The following HDHD2 variants were observed in gnomAD, a reference collection of about 807,000 sequenced individuals.
HDHD2 encodes haloacid dehalogenase like hydrolase domain containing 2.
A neutral mutation model predicts 24.8 loss-of-function variants in HDHD2; 26 were observed. The ratio of observed to expected loss-of-function variants is 1.05; its 90% CI spans 0.77 to 1.45. HDHD2 has a LOEUF of 1.45. HDHD2 is among the 40% of genes most tolerant of loss of function. The pLI, the probability that HDHD2 is intolerant of heterozygous loss-of-function variation, is 0.00. For synonymous variants in HDHD2, 128 were observed against 114.9 expected, an observed-to-expected ratio of 1.11 and a Z score of -0.73; for missense variants, 299 against 313.4, an observed-to-expected ratio of 0.95 and a Z score of 0.35.
At position 47,128,495 on chromosome 18, in the gene HDHD2, A is replaced by G. The variant is rs58058971; in HGVS notation, c.395+1749T>C. Among the ~76,000 whole-genome samples, 565 of 152,348 alleles carry G rather than the reference A, an allele frequency of 3.7e-3. 2 individuals are homozygous for G. The highest frequency in any genetic ancestry group is 0.013 in the African/African-American group (552 of 41,572). On this transcript the variant is annotated intron_variant, in intron 4 of 6. Coordinates refer to ENST00000300605, the MANE Select transcript of HDHD2 (RefSeq NM_032124.5). The stretch of plus-strand genomic sequence containing the variant: ...TGGCATAGTCTCTCCCTCCTCAACC[A>G]AAGGCCAAAGTAGGATAATTGAAAA...
At chr18:47,124,427 C>T (rs1427494021) in intron 4 of HDHD2, among the ~76,000 whole-genome samples, 1 of 152,116 alleles carries the variant, frequency 6.6e-6, no homozygotes, top group Non-Finnish European at 1.5e-5. Context: ...AACTCTAAGG[C>T]CGGGCGCAGT....
Position 47,108,560 on chromosome 18 carries a change from A to C in HDHD2, c.*122T>G, listed in dbSNP as rs996775749. On this transcript the variant is annotated 3_prime_UTR_variant, in exon 7 of 7. Transcript: ENST00000300605. Reference sequence around the variant, plus strand: ...TTTCTTTCTAATTAATGCACAACAAAAGAGGGTTAAAAAGCGATCAGCACT... The same window carrying C: ...TTTCTTTCTAATTAATGCACAACAACAGAGGGTTAAAAAGCGATCAGCACT... 6.2e-5 allele frequency: 33 copies of C among 534,166 alleles called. No individual in the cohort carries two copies. The African/African-American group carries it at 6.5e-4, about 11-fold the overall frequency. The allele number at this position is 534,166 out of a possible 1,614,324, so 33.1% of individuals were successfully genotyped here. A position where few individuals can be genotyped will look rare whatever the true frequency, so the allele number is the denominator to read the frequency against.
chr18:47,125,076 C>T (rs1312517797), intron 4 of HDHD2, among the ~76,000 whole-genome samples: 1 of 152,026 alleles, frequency 6.6e-6, no homozygotes, highest in Non-Finnish European at 1.5e-5. Flanking sequence ...GCAGGAGGAC[C>T]TCTTGAGTCC....
rs1445114434 is a variant in HDHD2, at chr18:47,107,742, A to C, written c.*940T>G. On this transcript the variant is annotated 3_prime_UTR_variant, in exon 7 of 7. Coordinates refer to ENST00000300605, the MANE Select transcript of HDHD2 (RefSeq NM_032124.5). ...TAGTAACCAAGTGCATAAAAGCTTG[A>C]ATCTGTCCCAATAGCTTCTAAAAAA... 1 of 152,652 alleles carries C rather than the reference A, an allele frequency of 6.6e-6. No homozygotes were observed. The highest frequency in any genetic ancestry group is 1.5e-5 in the Non-Finnish European group (1 of 68,042). The allele number at this position is 152,652 out of a possible 1,614,324, so 9.5% of individuals were successfully genotyped here. A position where few individuals can be genotyped will look rare whatever the true frequency, so the allele number is the denominator to read the frequency against.
At chr18:47,148,701 TC>T (rs757935647) in intron 1 of HDHD2, among the ~76,000 whole-genome samples, 3 of 152,214 alleles carry the variant, frequency 2.0e-5, no homozygotes, top group Non-Finnish European at 4.4e-5. Flanking sequence ...CAGTTCTACT[TC>T]CTTTACAGTC....
At chr18:47,137,955 T>G (rs2063782351) in intron 1 of HDHD2, among the ~76,000 whole-genome samples, 1 of 150,812 alleles carries the variant, frequency 6.6e-6, no homozygotes, top group Non-Finnish European at 1.5e-5. Context: ...TCACTTGAGG[T>G]CAGGAGTTCG....
At chr18:47,148,124 G>T (rs2063891860) in intron 1 of HDHD2, among the ~76,000 whole-genome samples, 2 of 151,744 alleles carry the variant, frequency 1.3e-5, no homozygotes, top group Admixed American at 6.6e-5. Context: ...CCAAGTAGCT[G>T]GAACCACAGG....
chr18:47,134,923 A>G (rs72907211), intron 2 of HDHD2, among the ~76,000 whole-genome samples: 4,003 of 152,348 alleles, frequency 0.026, 62 homozygotes, highest in Non-Finnish European at 0.041. Flanking sequence ...AATCTACAGT[A>G]GAAAGCTCAT....
At chr18:47,129,146 G>C (rs2063688308) in intron 4 of HDHD2, among the ~76,000 whole-genome samples, 1 of 152,008 alleles carries the variant, frequency 6.6e-6, no homozygotes, top group Non-Finnish European at 1.5e-5. Context: ...TTAATGGTTT[G>C]ACAAGAAATA....
At chr18:47,116,325 T>C (rs184769596) in intron 4 of HDHD2, among the ~76,000 whole-genome samples, 37 of 152,358 alleles carry the variant, frequency 2.4e-4, no homozygotes, top group Admixed American at 9.1e-4. Flanking sequence ...TTAAGTCATC[T>C]ACTTCGTTAA....
chr18:47,117,148 G>A (rs1202647134), intron 4 of HDHD2, among the ~76,000 whole-genome samples: 1 of 152,230 alleles, frequency 6.6e-6, no homozygotes, highest in East Asian at 1.9e-4. Context: ...TGTTTTCTAG[G>A]ACACAGATTA....
chr18:47,136,071 C>T (rs1017763526), intron 2 of HDHD2, among the ~76,000 whole-genome samples: 3 of 152,158 alleles, frequency 2.0e-5, no homozygotes, highest in Non-Finnish European at 4.4e-5. Context: ...CTTGAGTTGT[C>T]ATTCCAACAT....
chr18:47,149,648 C>G (rs1181145663), intron 1 of HDHD2, among the ~76,000 whole-genome samples: 2 of 152,084 alleles, frequency 1.3e-5, no homozygotes, highest in African/African-American at 4.8e-5. Context: ...CCCCTCTACA[C>G]CCTCATCTCC....
intron 4 of HDHD2, among the ~76,000 whole-genome samples, chr18:47,127,588 T>C (rs1032086206): frequency 2.0e-5 from 3 of 152,118 alleles, no homozygotes; most frequent in Admixed American, 6.6e-5. Flanking sequence ...ATAGTAATCA[T>C]TGAGTTCAAT....
intron 1 of HDHD2, among the ~76,000 whole-genome samples, chr18:47,146,154 G>A (rs2063867695): frequency 6.7e-6 from 1 of 149,338 alleles, no homozygotes; most frequent in Non-Finnish European, 1.5e-5. Context: ...GCTTAAACCT[G>A]GGAGGCAGAG....
chr18:47,111,594 G>A (rs929144023), intron 6 of HDHD2: 22 of 985,184 alleles, frequency 2.2e-5, no homozygotes, highest in Non-Finnish European at 2.4e-5. Flanking sequence ...ACGTTCCTGG[G>A]AAGGTGATCA....
intron 1 of HDHD2, among the ~76,000 whole-genome samples, chr18:47,139,400 G>A (rs1475779256): frequency 7.0e-6 from 1 of 143,700 alleles, no homozygotes; most frequent in Admixed American, 7.5e-5. Flanking sequence ...GGGAGGCGGA[G>A]CTTGCAGTGA....
intron 4 of HDHD2, among the ~76,000 whole-genome samples, chr18:47,118,257 C>T (rs2063573014): frequency 6.6e-6 from 1 of 152,086 alleles, no homozygotes; most frequent in Non-Finnish European, 1.5e-5. Context: ...CATTAGATTA[C>T]CCAAAGGAAT....
At chr18:47,132,790 G>A (rs2063725379) in intron 3 of HDHD2, among the ~76,000 whole-genome samples, 1 of 152,124 alleles carries the variant, frequency 6.6e-6, no homozygotes, top group Non-Finnish European at 1.5e-5. Flanking sequence ...TATTCTTTCA[G>A]AATCGGTTGA....
Sources: allele counts gnomAD v4.1 joint callset (sites outside exome capture counted in the v4.1 genomes callset), GRCh38; gene constraint gnomAD v4.1.1; transcripts MANE v1.5; gene names NCBI Gene and HGNC (gene_info 2026-07-23, HGNC 2026-07-21).